KCNAB2: variants seen among roughly 807,000 people sequenced by gnomAD.
The protein encoded by KCNAB2 is voltage-gated potassium channel subunit beta-2.
Under a neutral mutation model 63.6 loss-of-function variants are expected in KCNAB2, and 29 were observed. The observed-to-expected ratio is 0.46, with a 90% confidence interval of 0.34 to 0.62. The LOEUF (loss-of-function observed/expected upper bound fraction) is 0.62, where lower values mean the gene tolerates loss of function less well. KCNAB2 is among the 20% of genes least tolerant of loss of function. KCNAB2 has a pLI of 0.01. For missense variants in KCNAB2, 359 were observed against 563.9 expected (o/e 0.64, Z 3.68); for synonymous variants, 222 against 224.2 (o/e 0.99, Z 0.09).
rs976085757 is a variant in KCNAB2, at chr1:5,994,377, C to T, written c.-53+1589C>T. On this transcript the variant is annotated intron_variant, in intron 1 of 16. Coordinates refer to the KCNAB2 transcript ENST00000341524. The surrounding 1 kb of genome is among the most constrained non-coding windows in gnomAD (Gnocchi z 5.4). ...TGCAGCTCCTGGCCCTGTGCTCTCGCAGTGTGGGGCCCTAAGAGTGCACTT... is the reference window on the plus strand; with the variant it reads ...TGCAGCTCCTGGCCCTGTGCTCTCGTAGTGTGGGGCCCTAAGAGTGCACTT... 7.2e-5 allele frequency among the ~76,000 whole-genome samples: 11 copies of T among 152,238 alleles called. No individual in the cohort carries two copies. Among genetic ancestry groups the T allele is most frequent in the African/African-American group, 2.7e-4 (11 of 41,464 alleles).
chr1:6,076,448 A>G (rs1326685109), intron 4 of KCNAB2, among the ~76,000 whole-genome samples: 2 of 152,116 alleles, frequency 1.3e-5, no homozygotes, highest in Non-Finnish European at 2.9e-5. Flanking sequence ...GTGGCCTCAC[A>G]CTCCCCATTA....
chr1:6,029,035 A>G (rs1013745797), intron 1 of KCNAB2, among the ~76,000 whole-genome samples: 2 of 152,178 alleles, frequency 1.3e-5, no homozygotes, highest in Admixed American at 6.5e-5. Context: ...ATGAGCCTTC[A>G]CTTTGGGAGG....
At position 6,000,032 on chromosome 1, in the gene KCNAB2, G is replaced by A. The variant is rs767449864; in HGVS notation, c.-53+7244G>A. Among the ~76,000 whole-genome samples, 7 of 151,320 alleles carry A rather than the reference G, an allele frequency of 4.6e-5. No individual in the cohort carries two copies. In the East Asian group the frequency reaches 7.8e-4, roughly 17 times the overall value. ...TCTCTGCACCCTGTCTGCGCCGTCCGTGCCCCGTCTGCACCTTGTCTGTGC... is the reference window on the plus strand; with the variant it reads ...TCTCTGCACCCTGTCTGCGCCGTCCATGCCCCGTCTGCACCTTGTCTGTGC... On this transcript the variant is annotated intron_variant, in intron 1 of 16. Coordinates refer to the KCNAB2 transcript ENST00000341524.
At chr1:6,082,378 A>C in intron 5 of KCNAB2, 104 bp downstream of exon 5, 1 of 855,720 alleles carries the variant, frequency 1.2e-6, no homozygotes, top group South Asian at 1.4e-5. Flanking sequence ...TCACAAATGC[A>C]CCTTGCACCC....
At chr1:6,076,122 G>A (rs1019745151) in intron 4 of KCNAB2, among the ~76,000 whole-genome samples, 3 of 152,228 alleles carry the variant, frequency 2.0e-5, no homozygotes, top group South Asian at 2.1e-4. Flanking sequence ...TCTTTGGGCC[G>A]CAGCAGCTGT....
rs11583918 is a variant in KCNAB2, at chr1:6,082,869, C to G, written c.380+595C>G. Among the ~76,000 whole-genome samples, 10 of 152,326 alleles carry G rather than the reference C, an allele frequency of 6.6e-5. No individual in the cohort carries two copies. In the East Asian group the frequency reaches 1.7e-3, roughly 26 times the overall value. On this transcript the variant is annotated intron_variant, in intron 5 of 15. Coordinates refer to ENST00000378083, the MANE Select transcript of KCNAB2 (RefSeq NM_001199862.2). ...CCCTCTCTTCATCCTCCTTCTGCCC[C>G]CCTCCTGCCTGGGGCCAGCCAAGTT...
rs965281667 is a variant in KCNAB2, at chr1:6,003,112, G to A, written c.-53+10324G>A. On this transcript the variant is annotated intron_variant, in intron 1 of 16. Coordinates refer to the KCNAB2 transcript ENST00000341524. This position sits in a 1 kb window ranked among gnomAD's most constrained non-coding sequence, Gnocchi z 4.1. ...CGACCCGTTCACGGGGCGGGCGCTC[G>A]CCCTTGGCCTCGCTCCTGAGCCACA... Among the ~76,000 whole-genome samples, 3 of 152,202 alleles carry A rather than the reference G, an allele frequency of 2.0e-5. No homozygotes were observed. Among genetic ancestry groups the A allele is most frequent in the African/African-American group, 7.2e-5 (3 of 41,456 alleles).
chr1:6,031,959 C>T (rs1659657823), upstream of KCNAB2, among the ~76,000 whole-genome samples: 1 of 152,150 alleles, frequency 6.6e-6, no homozygotes, highest in South Asian at 2.1e-4. The surrounding 1 kb of genome is among the most constrained non-coding windows in gnomAD (Gnocchi z 4.1). Flanking sequence ...AATCTCATGA[C>T]TTAGGCTTGC....
Position 6,061,656 on chromosome 1 carries a change from C to T in KCNAB2, c.218+9902C>T, listed in dbSNP as rs75856764. On this transcript the variant is annotated intron_variant, in intron 2 of 15. Transcript: ENST00000378083. ...CCAGTGTTCCCTGGGGAACAAAACCCCTCCCAGGTAACATGCACTGATACA... is the reference window on the plus strand; with the variant it reads ...CCAGTGTTCCCTGGGGAACAAAACCTCTCCCAGGTAACATGCACTGATACA... 7.1e-3 allele frequency among the ~76,000 whole-genome samples: 1,087 copies of T among 152,332 alleles called. 13 individuals carry two copies. Among genetic ancestry groups the T allele is most frequent in the African/African-American group, 0.025 (1,031 of 41,582 alleles).
chr1:6,023,267 A>G (rs1307620784), intron 1 of KCNAB2, among the ~76,000 whole-genome samples: 1 of 152,248 alleles, frequency 6.6e-6, no homozygotes, highest in African/African-American at 2.4e-5. Context: ...ACACACGGGT[A>G]CAAATATCCC....
intron 4 of KCNAB2, among the ~76,000 whole-genome samples, chr1:6,081,571 C>T (rs904722301): frequency 1.1e-4 from 16 of 152,320 alleles, no homozygotes; most frequent in South Asian, 8.3e-4. Flanking sequence ...AGGTCTGATA[C>T]CAAGGTGTTG....
In KCNAB2 at chr1:6,096,268, TC is replaced by T; in HGVS notation, c.949-364del. ...GGGGGATGGCCAGGGGAGAGAGCACTCCCCTAGGGCCAGGAGGTTCTTCTGG... is the reference window on the plus strand; with the variant it reads ...GGGGGATGGCCAGGGGAGAGAGCACTCCCTAGGGCCAGGAGGTTCTTCTGG... On this transcript the variant is annotated intron_variant, in intron 13 of 15. Coordinates refer to ENST00000378083, the MANE Select transcript of KCNAB2 (RefSeq NM_001199862.2). This position sits in a 1 kb window ranked among gnomAD's most constrained non-coding sequence, Gnocchi z 5.9. The T allele has an allele frequency of 2.5e-6, 1 of 393,720 alleles. No homozygotes were observed. Among genetic ancestry groups the T allele is most frequent in the East Asian group, 6.9e-5 (1 of 14,510 alleles). The allele number at this position is 393,720 out of a possible 1,614,324, so 24.4% of individuals were successfully genotyped here. A position where few individuals can be genotyped will look rare whatever the true frequency, so the allele number is the denominator to read the frequency against.
chr1:6,058,477 G>A (rs1450966218), intron 2 of KCNAB2, among the ~76,000 whole-genome samples: 1 of 152,214 alleles, frequency 6.6e-6, no homozygotes, highest in African/African-American at 2.4e-5. Flanking sequence ...GGAAAGTGGA[G>A]ACCGGGGTCA....
chr1:6,093,266 C>T (rs1467058526), intron 10 of KCNAB2, among the ~76,000 whole-genome samples: 1 of 152,258 alleles, frequency 6.6e-6, no homozygotes, highest in African/African-American at 2.4e-5. Context: ...CACTCCCACT[C>T]ACTCCCACAC....
At chr1:6,004,579 C>A (rs1459432159) in intron 1 of KCNAB2, among the ~76,000 whole-genome samples, 3 of 150,976 alleles carry the variant, frequency 2.0e-5, no homozygotes, top group Non-Finnish European at 4.4e-5. Context: ...GTAGAAACAC[C>A]CCCCCGAGAT....
At chr1:6,039,861 A>G (rs974991103) in intron 1 of KCNAB2, among the ~76,000 whole-genome samples, 2 of 152,228 alleles carry the variant, frequency 1.3e-5, no homozygotes, top group African/African-American at 4.8e-5. Context: ...CATCAGAGCC[A>G]GGAGGGACAG....
At chr1:6,005,413 GGGGTGGAGTTGTGGGTTGTGT>G (rs1557922471) in intron 1 of KCNAB2, among the ~76,000 whole-genome samples, 3 of 10,474 alleles carry the variant, frequency 2.9e-4, no homozygotes, top group African/African-American at 1.2e-3. Flanking sequence ...CTGAGGGGTG[GGGGTGGAGTTGTGGGTTGTGT>G]GAGCTGAGCT....
At chr1:6,016,324 C>T (rs1342834890) in intron 1 of KCNAB2, among the ~76,000 whole-genome samples, 2 of 152,190 alleles carry the variant, frequency 1.3e-5, no homozygotes, top group African/African-American at 4.8e-5. Flanking sequence ...GGGAGGACCT[C>T]GCTCCTGGCG....
chr1:6,079,520 C>CAA (rs34597897), intron 4 of KCNAB2, among the ~76,000 whole-genome samples: 144 of 145,592 alleles, frequency 9.9e-4, no homozygotes, highest in African/African-American at 2.1e-3. Flanking sequence ...CTCCATCTCC[C>CAA]AAAAAAAAAA....
Sources: allele counts gnomAD v4.1 joint callset (sites outside exome capture counted in the v4.1 genomes callset), GRCh38; gene constraint gnomAD v4.1.1; non-coding constraint Gnocchi (gnomAD v3.1); transcripts MANE v1.5; gene names NCBI Gene and HGNC (gene_info 2026-07-23, HGNC 2026-07-21).